NBAS: variants seen among roughly 807,000 people sequenced by gnomAD.
NBAS encodes NBAS subunit of NRZ tethering complex.
A neutral mutation model predicts 302.5 loss-of-function variants in NBAS; 219 were observed. That is an observed-to-expected ratio of 0.72 (90% CI 0.65 to 0.81). The LOEUF (loss-of-function observed/expected upper bound fraction) is 0.81. NBAS is among the 30% of genes least tolerant of loss of function. The probability of loss-of-function intolerance (pLI) is 0.00; values close to 1 mark genes in which losing one functional copy is unlikely to be tolerated. For missense variants in NBAS, 2,932 were observed against 2,841.6 expected (o/e 1.03, Z -0.72); for synonymous variants, 1,118 against 1,021.6 (o/e 1.09, Z -1.80).
the NBAS span, among the ~76,000 whole-genome samples, chr2:14,781,085 T>C: frequency 6.6e-6 from 1 of 152,230 alleles, no homozygotes; most frequent in Non-Finnish European, 1.5e-5. Context: ...CTGGAAAATA[T>C]GCAATAAACA....
the NBAS span, among the ~76,000 whole-genome samples, chr2:14,843,208 A>G: frequency 6.6e-6 from 1 of 152,224 alleles, no homozygotes; most frequent in Middle Eastern, 3.2e-3. Context: ...CACAGCTGAC[A>G]TAATACTGAA....
At chr2:15,126,600 C>A in the NBAS span, among the ~76,000 whole-genome samples, 1 of 152,184 alleles carries the variant, frequency 6.6e-6, no homozygotes, top group Non-Finnish European at 1.5e-5. Flanking sequence ...TCCACACTCC[C>A]TCAGCCCATG....
intron 21 of NBAS, among the ~76,000 whole-genome samples, chr2:15,455,198 C>T (rs148960093): frequency 1.7e-3 from 254 of 152,224 alleles, no homozygotes; most frequent in Middle Eastern, 0.01. Flanking sequence ...CCACCGCACC[C>T]GGCCGATGCT....
chr2:15,392,816 T>C (rs1384030279), intron 28 of NBAS, among the ~76,000 whole-genome samples: 3 of 151,820 alleles, frequency 2.0e-5, no homozygotes, highest in Non-Finnish European at 4.4e-5. Context: ...AAAACAACTT[T>C]GGGGGAAAAA....
chr2:14,836,148 C>A, the NBAS span, among the ~76,000 whole-genome samples: 4 of 151,842 alleles, frequency 2.6e-5, no homozygotes, highest in African/African-American at 7.2e-5. Context: ...GGTGGTCTAT[C>A]TTTATCTTAT....
At chr2:15,459,862 C>T (rs548228184) in intron 21 of NBAS, among the ~76,000 whole-genome samples, 121 of 152,190 alleles carry the variant, frequency 8.0e-4, no homozygotes, top group African/African-American at 2.8e-3. Flanking sequence ...AATATATTCT[C>T]GCTGCTTACT....
At chr2:14,902,060 T>C in the NBAS span, among the ~76,000 whole-genome samples, 2 of 152,242 alleles carry the variant, frequency 1.3e-5, no homozygotes, top group Admixed American at 1.3e-4. Flanking sequence ...CTGAATTTTC[T>C]TCTTTCTTCT....
chr2:15,312,540 G>A (rs1671326779), intron 38 of NBAS, among the ~76,000 whole-genome samples: 1 of 152,122 alleles, frequency 6.6e-6, no homozygotes, highest in Non-Finnish European at 1.5e-5. Flanking sequence ...AATTCCCAAA[G>A]TGCTGGTATT....
the NBAS span, among the ~76,000 whole-genome samples, chr2:15,155,390 C>G: frequency 6.6e-6 from 1 of 152,096 alleles, no homozygotes; most frequent in Non-Finnish European, 1.5e-5. Flanking sequence ...GAAGACCCAA[C>G]AGGCAATGTG....
intron 35 of NBAS, among the ~76,000 whole-genome samples, chr2:15,335,470 G>A (rs1220069305): frequency 6.6e-6 from 1 of 152,174 alleles, no homozygotes; most frequent in African/African-American, 2.4e-5. Flanking sequence ...AGTTCTGGTT[G>A]CTCCACATCC....
chr2:14,823,421 C>CTCTTAGGCAT, the NBAS span, among the ~76,000 whole-genome samples: 4 of 152,238 alleles, frequency 2.6e-5, no homozygotes, highest in East Asian at 7.7e-4. Context: ...CAGAAAAAAA[C>CTCTTAGGCAT]TCTTAGGCAT....
chr2:15,314,887 G>A (rs1161519191), intron 38 of NBAS, among the ~76,000 whole-genome samples: 1 of 152,142 alleles, frequency 6.6e-6, no homozygotes, highest in African/African-American at 2.4e-5. Flanking sequence ...CAACATAGAT[G>A]AATCTCAAAA....
chr2:15,177,245 T>A (rs955509091), intron 51 of NBAS, among the ~76,000 whole-genome samples: 1 of 152,184 alleles, frequency 6.6e-6, no homozygotes, highest in African/African-American at 2.4e-5. Flanking sequence ...ATGCAGCACA[T>A]CTAACGTGCA....
the NBAS span, among the ~76,000 whole-genome samples, chr2:14,866,872 G>GTGGT: frequency 6.6e-6 from 1 of 152,160 alleles, no homozygotes; most frequent in South Asian, 2.1e-4. Flanking sequence ...CAGTATTTAA[G>GTGGT]TGGTATTCAT....
chr2:15,291,941 T>C (rs551092418), intron 41 of NBAS, among the ~76,000 whole-genome samples: 2 of 152,172 alleles, frequency 1.3e-5, no homozygotes, highest in East Asian at 3.9e-4. Context: ...TAAAAAAAAA[T>C]AGTAACTTTA....
the NBAS span, among the ~76,000 whole-genome samples, chr2:15,010,222 A>T: frequency 1.3e-5 from 2 of 152,192 alleles, no homozygotes; most frequent in African/African-American, 4.8e-5. Context: ...TAGCCCAGCA[A>T]GGAATTATAA....
intron 49 of NBAS, among the ~76,000 whole-genome samples, chr2:15,189,957 T>C (rs1008977107): frequency 6.6e-6 from 1 of 152,222 alleles, no homozygotes; most frequent in African/African-American, 2.4e-5. Context: ...CTGTAAGCCG[T>C]GTCAAGACAG....
chr2:14,916,988 G>A, the NBAS span, among the ~76,000 whole-genome samples: 1 of 152,204 alleles, frequency 6.6e-6, no homozygotes, highest in Non-Finnish European at 1.5e-5. Context: ...GTTCCTGCTG[G>A]AAAGAAGTCA....
chr2:15,098,047 A>AAT, the NBAS span, among the ~76,000 whole-genome samples: 24 of 136 alleles, frequency 0.18, 10 homozygotes, highest in Non-Finnish European at 0.38. Flanking sequence ...TATTGTATAT[A>AAT]ATATATTATA....
Sources: allele counts gnomAD v4.1 joint callset (sites outside exome capture counted in the v4.1 genomes callset), GRCh38; gene constraint gnomAD v4.1.1; transcripts MANE v1.5; gene names NCBI Gene and HGNC (gene_info 2026-07-23, HGNC 2026-07-21).